Variants in EXOC4 observed in about 807,000 individuals in gnomAD.
EXOC4 encodes SEC8-like 1.
EXOC4 carries 71 observed loss-of-function variants against 107.2 expected under a neutral mutation model. That is an observed-to-expected ratio of 0.66 (90% CI 0.55 to 0.81). The LOEUF (loss-of-function observed/expected upper bound fraction) is 0.81. Among genes scored for constraint, EXOC4 ranks in the 30% least tolerant of loss-of-function variants. The pLI is 0.00. For missense variants in EXOC4, 1,108 were observed against 1,189.6 expected (o/e 0.93, Z 1.01); for synonymous variants, 456 against 441.2 (o/e 1.03, Z -0.42).
intron 13 of EXOC4, among the ~76,000 whole-genome samples, chr7:133,924,062 A>G (rs1162564648): frequency 6.6e-6 from 1 of 152,082 alleles, no homozygotes; most frequent in East Asian, 1.9e-4. Context: ...CTGAGTAGAA[A>G]TAATTAAACT....
chr7:133,476,019 C>G (rs1158483522), intron 8 of EXOC4, among the ~76,000 whole-genome samples: 2 of 151,990 alleles, frequency 1.3e-5, no homozygotes, highest in Non-Finnish European at 2.9e-5. Flanking sequence ...TTGATAATAA[C>G]TTCAATAGTA....
At chr7:133,304,432 TTCAGAGGGCAGAGCTGGCCCAGGGCTTG>T (rs1794708181) in intron 3 of EXOC4, among the ~76,000 whole-genome samples, 1 of 152,242 alleles carries the variant, frequency 6.6e-6, no homozygotes, top group Non-Finnish European at 1.5e-5. Context: ...ACTGGTAGGC[TTCAGAGGGCAGAGCTGGCCCAGGGCTTG>T]TCACTCTCCC....
chr7:133,860,785 A>G (rs1389319929), intron 11 of EXOC4, among the ~76,000 whole-genome samples: 1 of 152,164 alleles, frequency 6.6e-6, no homozygotes, highest in Non-Finnish European at 1.5e-5. Flanking sequence ...AGCCCTCTAA[A>G]ACTTTAAAAG....
intron 11 of EXOC4, among the ~76,000 whole-genome samples, chr7:133,826,359 C>T (rs1308169018): frequency 6.6e-6 from 1 of 152,148 alleles, no homozygotes; most frequent in East Asian, 1.9e-4. Context: ...AAAGTGCTTA[C>T]TGCTACATTT....
intron 7 of EXOC4, among the ~76,000 whole-genome samples, chr7:133,460,219 C>G (rs1401658508): frequency 6.6e-6 from 1 of 152,184 alleles, no homozygotes. Context: ...GTGCAGTTCA[C>G]AGTAGGGTTC....
intron 7 of EXOC4, among the ~76,000 whole-genome samples, chr7:133,379,155 C>G (rs1038610635): frequency 9.2e-5 from 14 of 152,052 alleles, no homozygotes; most frequent in Non-Finnish European, 1.6e-4. Context: ...CACACACATG[C>G]ATTTTTCTTT....
intron 2 of EXOC4, 127 bp downstream of exon 2, chr7:133,275,298 G>A: frequency 1.4e-6 from 1 of 715,090 alleles, no homozygotes; most frequent in Non-Finnish European, 2.1e-6. Flanking sequence ...CTTTTCAGGA[G>A]TTCTGCAGGT....
At chr7:133,778,254 TC>T (rs1796387115) in intron 10 of EXOC4, among the ~76,000 whole-genome samples, 1 of 152,168 alleles carries the variant, frequency 6.6e-6, no homozygotes, top group African/African-American at 2.4e-5. Context: ...TCCTCATGAA[TC>T]CCTTATTAAC....
chr7:133,348,876 T>C (rs1435273086), intron 5 of EXOC4, among the ~76,000 whole-genome samples: 1 of 152,206 alleles, frequency 6.6e-6, no homozygotes, highest in Non-Finnish European at 1.5e-5. Context: ...GACTTCCTGG[T>C]TTTATTCCAA....
intron 14 of EXOC4, among the ~76,000 whole-genome samples, chr7:133,996,850 A>G (rs2116280720): frequency 6.6e-6 from 1 of 152,348 alleles, no homozygotes; most frequent in East Asian, 1.9e-4. Context: ...TTCAATCATT[A>G]GAAGAATGGG....
chr7:133,370,288 TTTTTAA>T (rs1189171935), intron 6 of EXOC4, among the ~76,000 whole-genome samples: 3 of 152,052 alleles, frequency 2.0e-5, no homozygotes, highest in Non-Finnish European at 2.9e-5. Flanking sequence ...CACAGCTAGT[TTTTTAA>T]TTTTAATTTT....
intron 3 of EXOC4, among the ~76,000 whole-genome samples, chr7:133,304,705 G>C (rs1212210949): frequency 6.6e-6 from 1 of 152,116 alleles, no homozygotes; most frequent in Non-Finnish European, 1.5e-5. Flanking sequence ...TCACCAATGT[G>C]TTTCATGGCT....
intron 10 of EXOC4, among the ~76,000 whole-genome samples, chr7:133,796,822 T>C (rs1341086898): frequency 6.6e-6 from 1 of 152,202 alleles, no homozygotes; most frequent in Non-Finnish European, 1.5e-5. Context: ...CCTGACTTCA[T>C]CGAAGGCTCC....
chr7:134,024,860 C>T (rs193017557), intron 17 of EXOC4, among the ~76,000 whole-genome samples: 219 of 152,322 alleles, frequency 1.4e-3, no homozygotes, highest in African/African-American at 4.7e-3. Flanking sequence ...CCTAAGGTGG[C>T]GGCAGTAGTA....
At chr7:133,762,588 C>T (rs1038893020) in intron 10 of EXOC4, among the ~76,000 whole-genome samples, 2 of 151,812 alleles carry the variant, frequency 1.3e-5, no homozygotes, top group Non-Finnish European at 2.9e-5. Flanking sequence ...AATATTTTTG[C>T]ACAAATATGT....
intron 10 of EXOC4, among the ~76,000 whole-genome samples, chr7:133,735,207 A>T (rs1398125754): frequency 1.8e-5 from 2 of 111,058 alleles, no homozygotes; most frequent in Non-Finnish European, 3.5e-5. Flanking sequence ...GTGACAGAGG[A>T]AGACTCTGTC....
chr7:133,436,416 A>C (rs1446083006), intron 7 of EXOC4, among the ~76,000 whole-genome samples: 1 of 152,158 alleles, frequency 6.6e-6, no homozygotes, highest in African/African-American at 2.4e-5. Flanking sequence ...ATAAATGATG[A>C]AACTAACTTC....
chr7:133,901,385 G>A (rs1417163641), intron 12 of EXOC4, among the ~76,000 whole-genome samples: 1 of 152,104 alleles, frequency 6.6e-6, no homozygotes, highest in Non-Finnish European at 1.5e-5. Context: ...TTCCTTGTAT[G>A]TTGACATCTG....
At chr7:133,968,143 A>G (rs9656429) in intron 14 of EXOC4, among the ~76,000 whole-genome samples, 31,471 of 152,146 alleles carry the variant, frequency 0.21, 4,338 homozygotes, top group East Asian at 0.44. Context: ...ATCTGAGACT[A>G]TGATTGCAAC....
Sources: allele counts gnomAD v4.1 joint callset (sites outside exome capture counted in the v4.1 genomes callset), GRCh38; gene constraint gnomAD v4.1.1; transcripts MANE v1.5; gene names NCBI Gene and HGNC (gene_info 2026-07-23, HGNC 2026-07-21).